The following CEP152 variants were observed in gnomAD, a reference collection of about 807,000 sequenced individuals.
CEP152 encodes the protein centrosomal protein of 152 kDa.
A neutral mutation model predicts 188.9 loss-of-function variants in CEP152; 132 were observed. The ratio of observed to expected loss-of-function variants is 0.70; its 90% CI spans 0.61 to 0.81. CEP152 has a LOEUF of 0.81. Among genes scored for constraint, CEP152 ranks in the 30% least tolerant of loss-of-function variants. The probability of loss-of-function intolerance (pLI) is 0.00; values close to 1 mark genes in which losing one functional copy is unlikely to be tolerated. For missense variants in CEP152, 1,914 were observed against 1,969.8 expected (o/e 0.97, Z 0.54); for synonymous variants, 649 against 666.6 (o/e 0.97, Z 0.41).
At position 48,767,444 on chromosome 15, in the gene CEP152, G is replaced by A. The variant is rs886039327; in HGVS notation, c.2038C>T (p.Gln680Ter). The stretch of plus-strand genomic sequence containing the variant: ...TGAGTTTTCATGGCTTCATGGTGCT[G>A]CTGATAAGTCCTTTCACACCTGGAA... ...AVDRCERTYQ[Q>*]HHEAMKTQIR... Residue 680 changes from glutamine to a stop codon, truncating the protein, a stop_gained, in exon 16 of 27, where the codon CAG (glutamine) becomes TAG (stop). Transcript: ENST00000380950. LOFTEE classifies it high-confidence loss of function. 1 of 1,613,970 alleles carries A rather than the reference G, an allele frequency of 6.2e-7. No individual in the cohort carries two copies.
intron 9 of CEP152, among the ~76,000 whole-genome samples, chr15:48,787,272 A>G (rs1200547005): frequency 6.7e-6 from 1 of 148,152 alleles, no homozygotes; most frequent in East Asian, 2.0e-4. Flanking sequence ...AGCTCAAGCA[A>G]TCCTCCCACC....
chr15:48,783,581 A>G (rs910277939), intron 10 of CEP152, among the ~76,000 whole-genome samples: 3 of 152,008 alleles, frequency 2.0e-5, no homozygotes, highest in African/African-American at 7.2e-5. Context: ...AATGCATTAC[A>G]TAAAGAAGCA....
chr15:48,732,351 C>A (rs1397292082), intron 2 of CEP152, among the ~76,000 whole-genome samples: 1 of 152,048 alleles, frequency 6.6e-6, no homozygotes, highest in Non-Finnish European at 1.5e-5. Flanking sequence ...TACTATGCAG[C>A]CATAAAAAAG....
intron 4 of CEP152, 23 bp from the exon 5 acceptor site, chr15:48,797,602 C>T (rs2140907557): frequency 6.2e-7 from 1 of 1,614,022 alleles, no homozygotes; most frequent in Non-Finnish European, 8.5e-7. Context: ...AAGAGTAAAA[C>T]AAAAGCACGA....
intron 3 of CEP152, 52 bp downstream of exon 3, chr15:48,797,896 A>G: frequency 6.6e-7 from 1 of 1,525,568 alleles, no homozygotes; most frequent in South Asian, 1.1e-5. Flanking sequence ...CATCAAAAGA[A>G]AAAGACTTAT....
Position 48,787,090 on chromosome 15 carries a change from T to G in CEP152, c.1173+1711A>C, listed in dbSNP as rs1488424033. Among the ~76,000 whole-genome samples, 5 of 151,774 alleles carry G rather than the reference T, an allele frequency of 3.3e-5. 1 individual carries two copies. On this transcript the variant is annotated intron_variant, in intron 9 of 26. Coordinates refer to ENST00000380950, the MANE Select transcript of CEP152 (RefSeq NM_001194998.2). ...CTTTAAAATAAAATAAAATAAAAAT[T>G]TATGAAGCTACATCTCAAATTCTGT... is the stretch of plus-strand genomic sequence containing the variant.
chr15:48,775,100 T>C (rs1874992762), intron 12 of CEP152, among the ~76,000 whole-genome samples: 1 of 148,864 alleles, frequency 6.7e-6, no homozygotes, highest in Admixed American at 6.6e-5. Flanking sequence ...TTATGCAAAA[T>C]AAAAAGGGAA....
At chr15:48,745,348 A>T (rs1385802955) in intron 22 of CEP152, among the ~76,000 whole-genome samples, 3 of 152,158 alleles carry the variant, frequency 2.0e-5, no homozygotes, top group African/African-American at 7.2e-5. Flanking sequence ...TTATGCTCAT[A>T]TAAACGATCA....
In CEP152 at chr15:48,794,999, G is replaced by A. The variant is rs533885721; in HGVS notation, c.691+1011C>T. ...TCTTTGGTATAGCCCAGGTAAGCCAGAATATCCAGTATGACCTTTCCCCTA... is the reference window on the plus strand; with the variant it reads ...TCTTTGGTATAGCCCAGGTAAGCCAAAATATCCAGTATGACCTTTCCCCTA... On this transcript the variant is annotated intron_variant, in intron 6 of 26. Transcript: ENST00000380950. Among the ~76,000 whole-genome samples the A allele has an allele frequency of 4.6e-5, 7 of 152,252 alleles. No homozygotes were observed. The East Asian group carries it at 1.4e-3, about 29-fold the overall frequency.
At chr15:48,747,663 A>G (rs1893548264) in intron 22 of CEP152, among the ~76,000 whole-genome samples, 1 of 152,206 alleles carries the variant, frequency 6.6e-6, no homozygotes, top group African/African-American at 2.4e-5. Context: ...ATCATATGCA[A>G]TGAAGGTCCA....
chr15:48,789,048 A>G (rs756301484), intron 8 of CEP152, 47 bp from the exon 9 acceptor site: 2 of 1,491,798 alleles, frequency 1.3e-6, no homozygotes, highest in African/African-American at 2.8e-5. Flanking sequence ...TACACAGAGT[A>G]TTTTAGCTCT....
At chr15:48,744,125 A>G in intron 24 of CEP152, 115 bp downstream of exon 24, 1 of 1,489,946 alleles carries the variant, frequency 6.7e-7, no homozygotes, top group Non-Finnish European at 9.1e-7. Flanking sequence ...ATTGAAGAAA[A>G]AGGTAATTTG....
At chr15:48,748,399 T>A in intron 22 of CEP152, 44 bp downstream of exon 22, 1 of 1,486,722 alleles carries the variant, frequency 6.7e-7, no homozygotes, top group Non-Finnish European at 8.9e-7. Flanking sequence ...TCAACAAGGA[T>A]CAAAGAAATT....
chr15:48,737,596 C>T (rs527759437), downstream of CEP152, among the ~76,000 whole-genome samples: 4 of 152,088 alleles, frequency 2.6e-5, no homozygotes, highest in African/African-American at 7.2e-5. Flanking sequence ...ATAAAAGAGA[C>T]AAAGTTTTTG....
At chr15:48,768,873 T>G (rs926890247) in intron 14 of CEP152, 83 bp downstream of exon 14, 1 of 1,094,374 alleles carries the variant, frequency 9.1e-7, no homozygotes, top group African/African-American at 1.6e-5. Flanking sequence ...ATTGCCTCTT[T>G]ATTTGCAAAA....
Position 48,744,265 on chromosome 15 carries a change from G to A in CEP152, c.3810C>T (p.Tyr1270=). Residue 1270 remains tyrosine, a synonymous_variant, in exon 24 of 27, where the codon TAC becomes TAT. Coordinates refer to ENST00000380950, the MANE Select transcript of CEP152 (RefSeq NM_001194998.2). The stretch of plus-strand genomic sequence containing the variant: ...ATTTAATTTTTTTTACAGCTTTAAT[G>A]TACTGCCCACGAAGTTCTTCCAAGG... ...GGALEELRGQ[Y]IKAVKKIKCD... is the part of the protein sequence containing the mutation. 6.2e-7 allele frequency: 1 copy of A among 1,613,978 alleles called. No individual in the cohort carries two copies. The highest frequency in any genetic ancestry group is 1.1e-5 in the South Asian group (1 of 91,076).
At chr15:48,797,214 C>T in intron 5 of CEP152, 87 bp downstream of exon 5, 1 of 1,448,200 alleles carries the variant, frequency 6.9e-7, no homozygotes, top group Non-Finnish European at 9.7e-7. Context: ...TACCATTGTA[C>T]TCACATACAT....
At position 48,779,772 on chromosome 15, in the gene CEP152, C is replaced by T. The variant is rs547599887; in HGVS notation, c.1577+1424G>A. 6.6e-5 allele frequency among the ~76,000 whole-genome samples: 10 copies of T among 152,372 alleles called. No individual in the cohort carries two copies. The South Asian group carries it at 2.1e-3, about 32-fold the overall frequency. ...AATCTGGCATTAGCAGGAAATGAGG[C>T]ATTCACAGCAGTGAATTTTCCAGGT... On this transcript the variant is annotated intron_variant, in intron 12 of 26. Coordinates refer to ENST00000380950, the MANE Select transcript of CEP152 (RefSeq NM_001194998.2).
intron 9 of CEP152, among the ~76,000 whole-genome samples, chr15:48,788,397 G>C (rs1239677478): frequency 3.6e-5 from 5 of 139,134 alleles, no homozygotes; most frequent in African/African-American, 1.1e-4. Context: ...GCAGTGGTGC[G>C]ATCTCAGCTC....
Sources: gnomAD v4.1 joint callset for allele counts (sites outside exome capture counted in the v4.1 genomes callset) on GRCh38, gnomAD v4.1.1 for gene constraint, MANE v1.5 for transcripts, NCBI Gene and HGNC (gene_info 2026-07-23, HGNC 2026-07-21) for gene names.